NEK11: variants seen among roughly 807,000 people sequenced by gnomAD.
The protein encoded by NEK11 is NIMA related kinase 11.
NEK11 carries 72 observed loss-of-function variants against 80.7 expected under a neutral mutation model. The ratio of observed to expected loss-of-function variants is 0.89; its 90% CI spans 0.74 to 1.08. The LOEUF (loss-of-function observed/expected upper bound fraction) is 1.08. NEK11 is among the 50% of genes least tolerant of loss of function. NEK11 has a pLI of 0.00. For missense variants in NEK11, 764 were observed against 763.6 expected, an observed-to-expected ratio of 1.00 and a Z score of -0.01; for synonymous variants, 251 against 260.7, an observed-to-expected ratio of 0.96 and a Z score of 0.36.
At chr3:131,100,053 G>C (rs1366097662) in intron 4 of NEK11, among the ~76,000 whole-genome samples, 2 of 152,124 alleles carry the variant, frequency 1.3e-5, no homozygotes, top group Non-Finnish European at 2.9e-5. Context: ...CAAAGAGAAT[G>C]GTTCCAGTTT....
chr3:131,088,743 A>T (rs915158426), intron 4 of NEK11, among the ~76,000 whole-genome samples: 5 of 152,326 alleles, frequency 3.3e-5, no homozygotes, highest in African/African-American at 9.6e-5. Flanking sequence ...TAAACTCAAG[A>T]TGTTCATTTA....
chr3:131,302,874 A>C (rs1349233536), intron 17 of NEK11, among the ~76,000 whole-genome samples: 1 of 152,126 alleles, frequency 6.6e-6, no homozygotes, highest in Non-Finnish European at 1.5e-5. Flanking sequence ...CCTTTTGGTC[A>C]AATGTCAAGT....
At chr3:131,142,076 A>G (rs528017258) in intron 7 of NEK11, among the ~76,000 whole-genome samples, 2 of 152,324 alleles carry the variant, frequency 1.3e-5, no homozygotes, top group South Asian at 2.1e-4. Context: ...GCTCTGATCC[A>G]TAGTTTTCCC....
chr3:131,090,983 C>G (rs1249258253), intron 4 of NEK11, among the ~76,000 whole-genome samples: 3 of 152,178 alleles, frequency 2.0e-5, no homozygotes, highest in Non-Finnish European at 4.4e-5. Flanking sequence ...AGGCTGGTTT[C>G]AAGCTCCTGG....
At chr3:131,168,774 G>C in intron 12 of NEK11, 56 bp from the exon 13 acceptor site, 1 of 1,325,580 alleles carries the variant, frequency 7.5e-7, no homozygotes, top group Non-Finnish European at 1.1e-6. Context: ...TTCACCTCTA[G>C]ATGAAGAAAG....
At chr3:131,211,600 T>C (rs1217852043) in intron 14 of NEK11, among the ~76,000 whole-genome samples, 4 of 152,258 alleles carry the variant, frequency 2.6e-5, no homozygotes, top group Non-Finnish European at 5.9e-5. Flanking sequence ...CACTTTCAGT[T>C]ACACCAATCA....
chr3:131,077,063 C>T (rs527326232), intron 3 of NEK11, among the ~76,000 whole-genome samples: 1 of 152,220 alleles, frequency 6.6e-6, no homozygotes, highest in South Asian at 2.1e-4. Flanking sequence ...CATAGTTATC[C>T]CGAATTTCCA....
At chr3:131,131,605 C>A (rs1012339136) in intron 5 of NEK11, among the ~76,000 whole-genome samples, 1 of 152,018 alleles carries the variant, frequency 6.6e-6, no homozygotes, top group South Asian at 2.1e-4. Flanking sequence ...TGTCTTCTAT[C>A]TTTTTATTTT....
At chr3:131,237,076 A>G (rs972080434) in intron 15 of NEK11, among the ~76,000 whole-genome samples, 15 of 152,180 alleles carry the variant, frequency 9.9e-5, no homozygotes, top group Admixed American at 4.6e-4. Context: ...ACATTGGCTC[A>G]TTCCTGTAAT....
At chr3:131,268,203 T>C (rs887458340) in intron 16 of NEK11, among the ~76,000 whole-genome samples, 5 of 152,208 alleles carry the variant, frequency 3.3e-5, no homozygotes, top group African/African-American at 9.7e-5. Context: ...CTTCCTTGCA[T>C]TGGGTTAGAA....
chr3:131,101,095 A>G (rs2078297420), intron 4 of NEK11, among the ~76,000 whole-genome samples: 2 of 151,800 alleles, frequency 1.3e-5, no homozygotes, highest in African/African-American at 2.4e-5. Context: ...CATCTTTGTC[A>G]TTTCTGATTA....
At chr3:131,072,473 G>C (rs2073558430) in intron 3 of NEK11, 1 of 152,222 alleles carries the variant, frequency 6.6e-6, no homozygotes, top group Non-Finnish European at 1.5e-5. Flanking sequence ...GGGGATGACT[G>C]TGTGGGGTAG....
chr3:131,049,757 A>G (rs1030759685), intron 3 of NEK11, among the ~76,000 whole-genome samples: 3 of 152,182 alleles, frequency 2.0e-5, no homozygotes, highest in South Asian at 2.1e-4. Flanking sequence ...ATGATCCTCC[A>G]AATTTGCCAG....
At chr3:131,082,250 A>G (rs1029119715) in intron 4 of NEK11, among the ~76,000 whole-genome samples, 4 of 152,216 alleles carry the variant, frequency 2.6e-5, no homozygotes, top group African/African-American at 9.6e-5. Context: ...TTGCATATGC[A>G]TATGTTGCAT....
intron 17 of NEK11, among the ~76,000 whole-genome samples, chr3:131,345,135 T>C (rs2097342818): frequency 6.6e-6 from 1 of 152,238 alleles, no homozygotes; most frequent in Non-Finnish European, 1.5e-5. Flanking sequence ...TTAATTTTTT[T>C]CTATGTTTTT....
At chr3:131,203,791 ATATATATATATATAT>A (rs1560950106) in intron 14 of NEK11, among the ~76,000 whole-genome samples, 11 of 8,132 alleles carry the variant, frequency 1.4e-3, no homozygotes, top group African/African-American at 3.9e-3. Context: ...ATATATATAT[ATATATATATATATAT>A]ATATATATAT....
intron 14 of NEK11, among the ~76,000 whole-genome samples, chr3:131,214,012 G>A (rs978044770): frequency 6.6e-6 from 1 of 152,122 alleles, no homozygotes; most frequent in Non-Finnish European, 1.5e-5. Flanking sequence ...ACCATATGAG[G>A]ATACAAGAAG....
At chr3:131,095,147 C>T (rs543671016) in intron 4 of NEK11, among the ~76,000 whole-genome samples, 8 of 152,248 alleles carry the variant, frequency 5.3e-5, no homozygotes, top group African/African-American at 1.9e-4. Context: ...TATATCTTAA[C>T]AATTTCAGTA....
intron 3 of NEK11, among the ~76,000 whole-genome samples, chr3:131,040,322 T>A (rs1477944786): frequency 6.6e-6 from 1 of 152,106 alleles, no homozygotes; most frequent in Non-Finnish European, 1.5e-5. Flanking sequence ...CCCAAAGTTT[T>A]AGTTATTAAG....
Sources: gnomAD v4.1 joint callset for allele counts (sites outside exome capture counted in the v4.1 genomes callset) on GRCh38, gnomAD v4.1.1 for gene constraint, MANE v1.5 for transcripts, NCBI Gene and HGNC (gene_info 2026-07-23, HGNC 2026-07-21) for gene names.